The following CUL4B variants were observed in gnomAD, a reference collection of about 807,000 sequenced individuals.
CUL4B encodes cullin 4B.
A neutral mutation model predicts 69.2 loss-of-function variants in CUL4B; 1 was observed. That is an observed-to-expected ratio of 0.01 (90% CI 0.01 to 0.07). The LOEUF is 0.07. Among genes scored for constraint, CUL4B ranks in the 10% least tolerant of loss-of-function variants. The pLI is 1.00. For missense variants in CUL4B, 328 were observed against 638.8 expected, an observed-to-expected ratio of 0.51 and a Z score of 5.24; for synonymous variants, 237 against 223.2, an observed-to-expected ratio of 1.06 and a Z score of -0.55.
At chrX:120,527,965 T>C (rs923240945) in intron 19 of CUL4B, among the ~76,000 whole-genome samples, 1 of 112,499 alleles carries the variant, frequency 8.9e-6, no homozygotes, top group Non-Finnish European at 1.9e-5. Flanking sequence ...AAAGACTACA[T>C]TTATTGTAAC....
At chrX:120,532,171 T>C (rs1157800981) in intron 18 of CUL4B, among the ~76,000 whole-genome samples, 1 of 111,588 alleles carries the variant, frequency 9.0e-6, no homozygotes, top group Admixed American at 9.5e-5. Context: ...TTTAATGGCA[T>C]GGAAAAATTC....
upstream of CUL4B, among the ~76,000 whole-genome samples, chrX:120,561,906 T>C (rs1252062480): frequency 1.8e-5 from 2 of 111,470 alleles, no homozygotes; most frequent in Non-Finnish European, 3.8e-5. Context: ...ATTGTTTCTC[T>C]TTTATCTCAA....
Position 120,543,017 on chromosome X carries a change from T to C in CUL4B, c.1273A>G (p.Thr425Ala), listed in dbSNP as rs889440718. 7.6e-6 allele frequency: 9 copies of C among 1,182,672 alleles called. No homozygotes were observed. Among genetic ancestry groups the C allele is most frequent in the Admixed American group, 2.2e-5 (1 of 45,180 alleles). ...DQTTQKSLIA[T>A]VEKQLLGEHL... Reference sequence around the variant, plus strand: ...TCACCTAGAAGTTGTTTTTCTACAGTAGCAATTAATGACTTCCTACAAGGA... The same window carrying C: ...TCACCTAGAAGTTGTTTTTCTACAGCAGCAATTAATGACTTCCTACAAGGA... The change falls in exon 9 of 20, where the codon ACT becomes GCT. Residue 425 changes from threonine (T) to alanine (A), a missense_variant. By Grantham distance (58) the Thr-to-Ala change is moderately conservative (BLOSUM62 0). Transcript: ENST00000371322.
In CUL4B at chrX:120,526,754, C is replaced by T. The variant is rs769730471; in HGVS notation, c.*7G>A. 8.7e-6 allele frequency: 10 copies of T among 1,147,536 alleles called. No homozygotes were observed. The African/African-American group carries it at 1.8e-4, about 20-fold the overall frequency. The allele number at this position is 1,147,536 out of a possible 1,213,427, so 94.6% of individuals were successfully genotyped here. ...CATATGACACCAAATGCTGCAAGGC[C>T]AACATTCTATGCAATATAGTTGTAC... On this transcript the variant is annotated 3_prime_UTR_variant, in exon 20 of 20. Coordinates refer to ENST00000371322, the MANE Select transcript of CUL4B (RefSeq NM_001079872.2).
At position 120,534,603 on chromosome X, in the gene CUL4B, A is replaced by T; in HGVS notation, c.2161-17T>A. On this transcript the variant is annotated splice_polypyrimidine_tract_variant and intron_variant, in intron 16 of 19. Transcript: ENST00000371322. The stretch of plus-strand genomic sequence containing the variant: ...CTTTTTACCCTGTTGAAGAAATAAA[A>T]GTGTTTAGTCATCACTTTTTTAAAA... The T allele has an allele frequency of 9.4e-7, 1 of 1,066,943 alleles. No homozygotes were observed. The highest frequency in any genetic ancestry group is 1.8e-5 in the African/African-American group (1 of 55,106). The allele number at this position is 1,066,943 out of a possible 1,213,427, so 87.9% of individuals were successfully genotyped here. A position where few individuals can be genotyped will look rare whatever the true frequency, so the allele number is the denominator to read the frequency against.
At chrX:120,530,074 C>T (rs1923218816) in intron 19 of CUL4B, 28 bp downstream of exon 19, 1 of 1,192,306 alleles carries the variant, frequency 8.4e-7, no homozygotes. Flanking sequence ...TTATAACACG[C>T]TCAATAGGAA....
At chrX:120,572,299 AC>A (rs1203830401) in intron 2 of CUL4B, among the ~76,000 whole-genome samples, 3 of 108,618 alleles carry the variant, frequency 2.8e-5, no homozygotes, top group African/African-American at 1.0e-4. Flanking sequence ...CCCTGTCTTT[AC>A]TTAAAAAATA....
intron 1 of CUL4B, among the ~76,000 whole-genome samples, chrX:120,558,714 T>C (rs1235162941): frequency 8.9e-6 from 1 of 111,936 alleles, no homozygotes; most frequent in African/African-American, 3.2e-5. Context: ...GAAAGAAACA[T>C]CTTACTCTAG....
At chrX:120,574,522 T>C in intron 2 of CUL4B, 1 of 1,151,158 alleles carries the variant, frequency 8.7e-7, no homozygotes, top group Non-Finnish European at 1.2e-6. Flanking sequence ...TAGACTTAAC[T>C]CTTGAGTTTT....
At chrX:120,533,382 C>A (rs1923443436) in intron 17 of CUL4B, among the ~76,000 whole-genome samples, 1 of 112,084 alleles carries the variant, frequency 8.9e-6, no homozygotes, top group African/African-American at 3.2e-5. Flanking sequence ...GTGTAGGTTT[C>A]ATTTGCTAGA....
intron 2 of CUL4B, among the ~76,000 whole-genome samples, chrX:120,550,330 A>G (rs186739824): frequency 1.8e-3 from 202 of 112,383 alleles, no homozygotes; most frequent in African/African-American, 6.3e-3. Context: ...TGAATACATG[A>G]AGTATTCAAA....
chrX:120,564,954 G>A (rs1925448631), upstream of CUL4B, among the ~76,000 whole-genome samples: 1 of 112,492 alleles, frequency 8.9e-6, no homozygotes, highest in Non-Finnish European at 1.9e-5. Context: ...ATGAAGTGTA[G>A]TTATTATTGG....
intron 1 of CUL4B, among the ~76,000 whole-genome samples, 188 bp from the exon 2 acceptor site, chrX:120,558,227 T>C (rs1181472238): frequency 8.9e-6 from 1 of 112,098 alleles, no homozygotes; most frequent in Admixed American, 9.5e-5. Context: ...GCCATAATAC[T>C]GTTTAAGTCA....
chrX:120,531,537 G>T (rs1923317727), intron 18 of CUL4B, among the ~76,000 whole-genome samples: 1 of 106,174 alleles, frequency 9.4e-6, no homozygotes, highest in African/African-American at 3.4e-5. Flanking sequence ...TCAGCTCACT[G>T]CAACCTCCAC....
chrX:120,559,134 C>CTAA (rs1181256553), intron 1 of CUL4B, among the ~76,000 whole-genome samples: 1 of 111,069 alleles, frequency 9.0e-6, no homozygotes. Context: ...CTTCTCAATA[C>CTAA]TAATATTCAG....
intron 2 of CUL4B, among the ~76,000 whole-genome samples, chrX:120,555,688 T>C (rs1375416710): frequency 1.8e-5 from 2 of 110,246 alleles, no homozygotes; most frequent in Non-Finnish European, 3.8e-5. Flanking sequence ...ACACCTGTAA[T>C]CCCAGCACCT....
chrX:120,537,409 C>T (rs1265195442), intron 14 of CUL4B, among the ~76,000 whole-genome samples: 2 of 110,644 alleles, frequency 1.8e-5, no homozygotes, highest in African/African-American at 6.6e-5. Flanking sequence ...ACCCCCATTC[C>T]TCACCCCCCA....
chrX:120,544,071 T>C, intron 7 of CUL4B, 43 bp downstream of exon 7: 1 of 837,502 alleles, frequency 1.2e-6, no homozygotes, highest in Non-Finnish European at 1.8e-6. Flanking sequence ...TAAGGTCTAT[T>C]GTGAGAGACA....
chrX:120,538,941 T>C (rs1313942436), intron 12 of CUL4B, among the ~76,000 whole-genome samples, 171 bp from the exon 13 acceptor site: 1 of 112,236 alleles, frequency 8.9e-6, no homozygotes, highest in Non-Finnish European at 1.9e-5. Flanking sequence ...GTGCCAGACA[T>C]TTCGAAGTCT....
Sources: gnomAD v4.1 joint callset for allele counts (sites outside exome capture counted in the v4.1 genomes callset) on GRCh38, gnomAD v4.1.1 for gene constraint, MANE v1.5 for transcripts, NCBI Gene and HGNC (gene_info 2026-07-23, HGNC 2026-07-21) for gene names.